NOTCH2: variants seen among roughly 807,000 people sequenced by gnomAD.
NOTCH2 encodes neurogenic locus notch homolog protein 2.
In NOTCH2, 29 loss-of-function variants were observed where a neutral mutation model predicts 235.8. That is an observed-to-expected ratio of 0.12 (90% CI 0.09 to 0.17). The LOEUF (loss-of-function observed/expected upper bound fraction) is 0.17. Among genes scored for constraint, NOTCH2 ranks in the 10% least tolerant of loss-of-function variants. The probability of loss-of-function intolerance (pLI) is 1.00; values close to 1 mark genes in which losing one functional copy is unlikely to be tolerated. For synonymous variants in NOTCH2, 1,086 were observed against 1,141.5 expected (o/e 0.95, Z 0.98); for missense variants, 2,285 against 3,150.2 (o/e 0.73, Z 6.57).
intron 22 of NOTCH2, among the ~76,000 whole-genome samples, chr1:119,933,368 G>A (rs1288234747): frequency 6.6e-6 from 1 of 151,946 alleles, no homozygotes; most frequent in African/African-American, 2.4e-5. Flanking sequence ...CCAATGGCCA[G>A]AGAAGTTAAG....
rs1386044450 is a variant in NOTCH2 at position 120,047,858 on chromosome 1, A to C, written c.74-17871T>G. 7.7e-3 allele frequency among the ~76,000 whole-genome samples: 912 copies of C among 118,154 alleles called. 5 individuals carry two copies. Among genetic ancestry groups the C allele is most frequent in the African/African-American group, 0.029 (814 of 28,204 alleles). 77.5% of individuals were successfully genotyped at this position (118,154 alleles called of 152,430 possible). A position where few individuals can be genotyped will look rare whatever the true frequency, so the allele number is the denominator to read the frequency against. On this transcript the variant is annotated intron_variant, in intron 1 of 33. Coordinates refer to ENST00000256646, the MANE Select transcript of NOTCH2 (RefSeq NM_024408.4). ...CAGCTCATGGCAGCCTCCGCCTCCC[A>C]GGTTCAAGCGATTCTCCTGCCTCAG...
At chr1:119,922,120 G>C in intron 28 of NOTCH2, 116 bp downstream of exon 28, 1 of 1,163,804 alleles carries the variant, frequency 8.6e-7, no homozygotes. Flanking sequence ...TAGAATCATG[G>C]TCAATGTGAG....
At chr1:119,962,388 C>A (rs1553199095) in intron 11 of NOTCH2, among the ~76,000 whole-genome samples, 2 of 152,124 alleles carry the variant, frequency 1.3e-5, no homozygotes, top group Non-Finnish European at 2.9e-5. Context: ...GAGGAACAGC[C>A]CGGAAGCAAA....
At chr1:119,920,613 C>T (rs1439175452) in intron 29 of NOTCH2, among the ~76,000 whole-genome samples, 1 of 152,186 alleles carries the variant, frequency 6.6e-6, no homozygotes, top group East Asian at 1.9e-4. Flanking sequence ...ACAACTCCCT[C>T]CCCCAATCCC....
Position 119,925,560 on chromosome 1 carries a change from C to T in NOTCH2, c.4256G>A (p.Ser1419Asn), listed in dbSNP as rs2101162418. Residue 1419 changes from serine (S) to asparagine (N), a missense_variant, in exon 25 of 34, where the codon AGC becomes AAC. By Grantham distance (46) the Ser-to-Asn change is conservative. Coordinates refer to ENST00000256646, the MANE Select transcript of NOTCH2 (RefSeq NM_024408.4). Reference protein sequence around the residue: ...SRCELYTAPPSTPPATCLSQY... With the variant: ...SRCELYTAPPNTPPATCLSQY... ...GCTCAGACAGGTGGCAGGAGGGGTGCTGGGGGGTGCCGTGTAGAGTTCACA... is the reference window on the plus strand; with the variant it reads ...GCTCAGACAGGTGGCAGGAGGGGTGTTGGGGGGTGCCGTGTAGAGTTCACA... The T allele has an allele frequency of 2.5e-6, 4 of 1,614,086 alleles. No individual in the cohort carries two copies. Among genetic ancestry groups the T allele is most frequent in the Non-Finnish European group, 3.4e-6 (4 of 1,180,014 alleles).
At position 119,950,104 on chromosome 1, in the gene NOTCH2, G is replaced by A. The variant is rs1241845480; in HGVS notation, c.2479+620C>T. ...CGTCTTCTCAGTTGTAACAGCCATC[G>A]AAGGGGTGACACCTCTGAGTGAGAT... On this transcript the variant is annotated intron_variant, in intron 15 of 33. Coordinates refer to ENST00000256646, the MANE Select transcript of NOTCH2 (RefSeq NM_024408.4). 21 of 231,220 alleles carry A rather than the reference G, an allele frequency of 9.1e-5. No individual in the cohort carries two copies. The South Asian group carries it at 1.3e-3, about 14-fold the overall frequency. The allele number at this position is 231,220 out of a possible 1,614,324, so 14.3% of individuals were successfully genotyped here. A position where few individuals can be genotyped will look rare whatever the true frequency, so the allele number is the denominator to read the frequency against.
intron 18 of NOTCH2, among the ~76,000 whole-genome samples, chr1:119,941,322 T>C (rs1171018540): frequency 6.6e-6 from 1 of 152,198 alleles, no homozygotes; most frequent in Non-Finnish European, 1.5e-5. Context: ...ACCATCCCTA[T>C]AAACTTTGCA....
intron 2 of NOTCH2, among the ~76,000 whole-genome samples, chr1:120,016,170 T>TAC (rs1186259760): frequency 7.8e-6 from 1 of 128,638 alleles, no homozygotes; most frequent in African/African-American, 2.9e-5. Context: ...CTCACACACG[T>TAC]ACACACACAC....
intron 21 of NOTCH2, among the ~76,000 whole-genome samples, chr1:119,935,905 T>C (rs1264342492): frequency 1.3e-5 from 2 of 152,210 alleles, no homozygotes; most frequent in East Asian, 1.9e-4. Flanking sequence ...CTTTTGTTCC[T>C]CCTGGGTACA....
chr1:119,914,083 G>C lies in NOTCH2; in HGVS notation c.*1223C>G, dbSNP rs1648981209. The C allele has an allele frequency of 8.6e-6, 2 of 233,064 alleles. No homozygotes were observed. The highest frequency in any genetic ancestry group is 8.5e-6 in the Non-Finnish European group (1 of 118,036). The allele number at this position is 233,064 out of a possible 1,614,324, so 14.4% of individuals were successfully genotyped here. ...GACAAACGGAAGACAACTGTCACTG[G>C]GTCCCTTGGGCTAAGGAAAGTTCAG... On this transcript the variant is annotated 3_prime_UTR_variant, in exon 34 of 34. Transcript: ENST00000256646.
chr1:119,933,463 A>G (rs1649735857), intron 22 of NOTCH2, among the ~76,000 whole-genome samples: 1 of 152,248 alleles, frequency 6.6e-6, no homozygotes, highest in Non-Finnish European at 1.5e-5. Context: ...GATAAACTCA[A>G]AGAAATTCAT....
At chr1:119,949,177 A>G in intron 15 of NOTCH2, 51 bp from the exon 16 acceptor site, 1 of 1,606,046 alleles carries the variant, frequency 6.2e-7, no homozygotes, top group African/African-American at 1.3e-5. Flanking sequence ...AAGAAAACGA[A>G]AATTTTCCTT....
intron 5 of NOTCH2, among the ~76,000 whole-genome samples, chr1:119,969,961 G>A (rs782645495): frequency 3.0e-4 from 45 of 152,092 alleles, no homozygotes; most frequent in Admixed American, 1.3e-3. Flanking sequence ...AGTTACTACC[G>A]TTAGAAACTC....
intron 15 of NOTCH2, 45 bp downstream of exon 15, chr1:119,950,679 G>A: frequency 1.6e-6 from 2 of 1,251,720 alleles, no homozygotes; most frequent in Non-Finnish European, 2.4e-6. Context: ...GACAAAGCAA[G>A]GTCAAGTATC....
chr1:119,973,101 C>T (rs935373375), intron 5 of NOTCH2, among the ~76,000 whole-genome samples: 6 of 152,188 alleles, frequency 3.9e-5, no homozygotes, highest in African/African-American at 1.4e-4. Flanking sequence ...TTCGATAGTG[C>T]TTGTTAGGGA....
chr1:120,040,755 C>T (rs1288374958), intron 1 of NOTCH2, among the ~76,000 whole-genome samples: 5 of 149,258 alleles, frequency 3.3e-5, no homozygotes, highest in South Asian at 4.3e-4. Context: ...TAGCCCTAAA[C>T]GGCCAGGCGC....
chr1:119,981,800 A>G (rs927375638), intron 5 of NOTCH2, among the ~76,000 whole-genome samples: 1 of 152,192 alleles, frequency 6.6e-6, no homozygotes, highest in Non-Finnish European at 1.5e-5. Context: ...ACTTCTCACA[A>G]TCAGGCTTAC....
chr1:119,960,997 G>A (rs1221798860), intron 11 of NOTCH2, among the ~76,000 whole-genome samples: 2 of 152,120 alleles, frequency 1.3e-5, no homozygotes, highest in African/African-American at 4.8e-5. Flanking sequence ...AATAATTACA[G>A]AGGAACAGTT....
intron 24 of NOTCH2, among the ~76,000 whole-genome samples, chr1:119,926,043 A>G (rs1649462041): frequency 1.3e-5 from 2 of 152,216 alleles, no homozygotes; most frequent in South Asian, 4.1e-4. Context: ...GCAAATAGCT[A>G]AAATTGAGCT....
Sources: allele counts gnomAD v4.1 joint callset (sites outside exome capture counted in the v4.1 genomes callset), GRCh38; gene constraint gnomAD v4.1.1; transcripts MANE v1.5; gene names NCBI Gene and HGNC (gene_info 2026-07-23, HGNC 2026-07-21).